Variants in CALCRL observed in about 807,000 individuals in gnomAD.
CALCRL encodes calcitonin receptor like receptor, also known as calcitonin gene-related peptide type 1 receptor.
A neutral mutation model predicts 60.4 loss-of-function variants in CALCRL; 27 were observed. The observed-to-expected ratio is 0.45, with a 90% CI of 0.33 to 0.62. CALCRL has a LOEUF of 0.62. Ranked by LOEUF, CALCRL falls within the 20% of genes least tolerant of loss-of-function variation. The pLI, the probability that CALCRL is intolerant of heterozygous loss-of-function variation, is 0.03. For synonymous variants in CALCRL, 190 were observed against 182.6 expected (o/e 1.04, Z -0.33); for missense variants, 424 against 540.7 (o/e 0.78, Z 2.14).
Position 187,344,997 on chromosome 2 carries a change from T to TG in CALCRL, c.*1186dup. 1 of 151,948 alleles carries TG rather than the reference T, an allele frequency of 6.6e-6. No individual in the cohort carries two copies. Among genetic ancestry groups the TG allele is most frequent in the Non-Finnish European group, 1.5e-5 (1 of 67,738 alleles). The allele number at this position is 151,948 out of a possible 1,614,324, so 9.4% of individuals were successfully genotyped here. A position where few individuals can be genotyped will look rare whatever the true frequency, so the allele number is the denominator to read the frequency against. On this transcript the variant is annotated 3_prime_UTR_variant, in exon 15 of 15. Coordinates refer to ENST00000392370, the MANE Select transcript of CALCRL (RefSeq NM_005795.6). ...AATATATTCAATAAAATAGTGACCT[T>TG]GTGTTTTTAAAATAAATATATCTTA...
intron 1 of CALCRL, among the ~76,000 whole-genome samples, chr2:187,408,060 TA>T (rs1217021021): frequency 6.6e-6 from 1 of 152,050 alleles, no homozygotes; most frequent in Non-Finnish European, 1.5e-5. Flanking sequence ...GATACTAGAC[TA>T]GATTCTCAAG....
chr2:187,401,364 C>T (rs1688881386), intron 1 of CALCRL, among the ~76,000 whole-genome samples: 1 of 151,646 alleles, frequency 6.6e-6, no homozygotes, highest in Non-Finnish European at 1.5e-5. Context: ...TGCATGTAAA[C>T]TCTGAATTAC....
intron 1 of CALCRL, among the ~76,000 whole-genome samples, chr2:187,419,697 AAG>A (rs376308090): frequency 4.7e-4 from 71 of 152,318 alleles, no homozygotes; most frequent in African/African-American, 1.7e-3. Flanking sequence ...GATAAAAACA[AAG>A]AAATATATTT....
In CALCRL at chr2:187,425,451, T is replaced by C. The variant is rs60750430; in HGVS notation, c.-293+22588A>G. Among the ~76,000 whole-genome samples the C allele has an allele frequency of 1.0e-2, 1,513 of 151,970 alleles. 24 individuals carry two copies. The highest frequency in any genetic ancestry group is 0.035 in the African/African-American group (1,442 of 41,496). On this transcript the variant is annotated intron_variant, in intron 1 of 14. Coordinates refer to ENST00000392370, the MANE Select transcript of CALCRL (RefSeq NM_005795.6). ...GTATCTTCCACCCATAGCTTGAAAG[T>C]CTTATATTTATTTGCTTATTAGTAG...
intron 1 of CALCRL, among the ~76,000 whole-genome samples, chr2:187,435,124 A>G (rs1306274181): frequency 6.6e-6 from 1 of 152,158 alleles, no homozygotes; most frequent in Non-Finnish European, 1.5e-5. Flanking sequence ...GCTATAAAGA[A>G]ATACCTGAGG....
intron 1 of CALCRL, chr2:187,442,077 T>C (rs1690931751): frequency 1.9e-4 from 2 of 10,598 alleles, no homozygotes; most frequent in South Asian, 4.6e-3. Context: ...ACATTATATA[T>C]ATATATATAT....
At position 187,378,882 on chromosome 2, in the gene CALCRL, A is replaced by T. The variant is rs1024388897; in HGVS notation, c.500+58T>A. ...CAGACATGATGTAAATATGCACATG[A>T]TGGGGCATTCACCCAAGACATCTAG... On this transcript the variant is annotated intron_variant, in intron 8 of 14. Coordinates refer to ENST00000392370, the MANE Select transcript of CALCRL (RefSeq NM_005795.6). The T allele has an allele frequency of 7.7e-6, 7 of 905,830 alleles. No individual in the cohort carries two copies. In the Middle Eastern group the frequency reaches 9.7e-4, roughly 125 times the overall value. The allele number at this position is 905,830 out of a possible 1,614,324, so 56.1% of individuals were successfully genotyped here.
At chr2:187,418,546 T>C (rs1427706669) in intron 1 of CALCRL, among the ~76,000 whole-genome samples, 1 of 152,180 alleles carries the variant, frequency 6.6e-6, no homozygotes, top group Non-Finnish European at 1.5e-5. Flanking sequence ...TCTATTGTTA[T>C]TTTGAATCTT....
At chr2:187,380,312 G>A (rs1254135972) in intron 7 of CALCRL, among the ~76,000 whole-genome samples, 155 bp downstream of exon 7, 3 of 151,932 alleles carry the variant, frequency 2.0e-5, no homozygotes, top group African/African-American at 7.3e-5. Context: ...TTTTTTCCAC[G>A]GATATATTTC....
At chr2:187,402,820 A>G (rs1200381623) in intron 1 of CALCRL, among the ~76,000 whole-genome samples, 1 of 151,852 alleles carries the variant, frequency 6.6e-6, no homozygotes, top group Admixed American at 6.6e-5. Context: ...CATAAAATGA[A>G]TAATAATTGT....
At chr2:187,406,513 CAAAT>C (rs1188331432) in intron 1 of CALCRL, among the ~76,000 whole-genome samples, 14 of 151,832 alleles carry the variant, frequency 9.2e-5, no homozygotes, top group Non-Finnish European at 1.8e-4. Context: ...AAGGGAAAGG[CAAAT>C]AAATAAAGAA....
chr2:187,410,911 T>G (rs1574291234), intron 1 of CALCRL, among the ~76,000 whole-genome samples: 1 of 151,822 alleles, frequency 6.6e-6, no homozygotes, highest in South Asian at 2.1e-4. Context: ...GAGAGGTAGG[T>G]GGGGCCACAG....
Position 187,351,967 on chromosome 2 carries a change from A to G in CALCRL, c.1129-6T>C. 1.3e-6 allele frequency: 2 copies of G among 1,597,276 alleles called. No individual in the cohort carries two copies. Among genetic ancestry groups the G allele is most frequent in the Non-Finnish European group, 1.7e-6 (2 of 1,166,846 alleles). The stretch of plus-strand genomic sequence containing the variant: ...ATGGTAGAGACCAAAAGACCCTGTA[A>G]AAGAAAAATAGAATGATCTGAATCC... On this transcript the variant is annotated splice_region_variant and splice_polypyrimidine_tract_variant and intron_variant, in intron 13 of 14. Coordinates refer to ENST00000392370, the MANE Select transcript of CALCRL (RefSeq NM_005795.6).
intron 5 of CALCRL, among the ~76,000 whole-genome samples, chr2:187,381,696 C>T (rs1037621780): frequency 4.6e-5 from 7 of 152,046 alleles, no homozygotes; most frequent in Non-Finnish European, 1.0e-4. Context: ...CCTCTTGATC[C>T]GCCCTCCTCG....
At chr2:187,397,933 A>G (rs1357428526) in intron 1 of CALCRL, among the ~76,000 whole-genome samples, 1 of 151,750 alleles carries the variant, frequency 6.6e-6, no homozygotes, top group African/African-American at 2.4e-5. Flanking sequence ...GAACAGTTGA[A>G]TAACTATTAA....
chr2:187,348,409 T>A (rs1455500461), intron 14 of CALCRL, among the ~76,000 whole-genome samples: 1 of 151,660 alleles, frequency 6.6e-6, no homozygotes, highest in East Asian at 1.9e-4. Flanking sequence ...CAATATAGTT[T>A]CTGGTTGAGG....
At chr2:187,437,831 CAG>C (rs1042557131) in intron 1 of CALCRL, among the ~76,000 whole-genome samples, 1 of 152,102 alleles carries the variant, frequency 6.6e-6, no homozygotes, top group East Asian at 1.9e-4. Flanking sequence ...TCATCTAAGA[CAG>C]AGAGTTATTT....
intron 1 of CALCRL, among the ~76,000 whole-genome samples, chr2:187,435,739 T>C (rs1213190798): frequency 6.6e-6 from 1 of 152,080 alleles, no homozygotes; most frequent in African/African-American, 2.4e-5. Flanking sequence ...CTGATCCTAT[T>C]TGAAAGTTTA....
At chr2:187,431,986 GA>G (rs1159775804) in intron 1 of CALCRL, among the ~76,000 whole-genome samples, 1 of 151,990 alleles carries the variant, frequency 6.6e-6, no homozygotes, top group African/African-American at 2.4e-5. Flanking sequence ...ATTTTTAGAA[GA>G]AAGGATGACT....
Sources: allele counts gnomAD v4.1 joint callset (sites outside exome capture counted in the v4.1 genomes callset), GRCh38; gene constraint gnomAD v4.1.1; transcripts MANE v1.5; gene names NCBI Gene and HGNC (gene_info 2026-07-23, HGNC 2026-07-21).